Variants in MKS1 observed in about 807,000 individuals in gnomAD.
MKS1 encodes tectonic-like complex member MKS1.
MKS1 carries 70 observed loss-of-function variants against 83.7 expected under a neutral mutation model. That is an observed-to-expected ratio of 0.84 (90% confidence interval 0.69 to 1.02). The LOEUF is 1.02. Ranked by LOEUF, MKS1 falls within the 50% of genes least tolerant of loss-of-function variation. The probability of loss-of-function intolerance (pLI) is 0.00; values close to 1 mark genes in which losing one functional copy is unlikely to be tolerated. For synonymous variants in MKS1, 251 were observed against 273.4 expected, an observed-to-expected ratio of 0.92 and a Z score of 0.81; for missense variants, 681 against 726.9, an observed-to-expected ratio of 0.94 and a Z score of 0.73.
chr17:58,218,639 A>C lies in MKS1; in HGVS notation c.171T>G (p.Phe57Leu), dbSNP rs1969401955. ...LGKDLIDLAT[F>L]RPQPTASGHR... ...ACCCACTGGCAGTTGGCTGAGGCCT[A>C]AAAGTGGCCAAGTCTATGAGGTCCT... Residue 57 changes from phenylalanine (F) to leucine (L), a missense_variant, in exon 2 of 18, where the codon TTT (phenylalanine) becomes TTG (leucine). By Grantham distance (22) the Phe-to-Leu change is conservative (BLOSUM62 0). Around this residue, in one of 3 missense-constraint regions of MKS1, gnomAD observed 365 missense variants for 383.8 expected, o/e 0.95. Transcript: ENST00000393119. 2.5e-6 allele frequency: 4 copies of C among 1,612,182 alleles called. No individual in the cohort carries two copies. Among genetic ancestry groups the C allele is most frequent in the Non-Finnish European group, 3.4e-6 (4 of 1,178,322 alleles).
chr17:58,205,920 A>G lies in MKS1; in HGVS notation c.*159T>C. 1.3e-6 allele frequency: 2 copies of G among 1,490,414 alleles called. No individual in the cohort carries two copies. Among genetic ancestry groups the G allele is most frequent in the Non-Finnish European group, 1.8e-6 (2 of 1,122,022 alleles). The allele number at this position is 1,490,414 out of a possible 1,614,324, so 92.3% of individuals were successfully genotyped here. A position where few individuals can be genotyped will look rare whatever the true frequency, so the allele number is the denominator to read the frequency against. Reference sequence around the variant, plus strand: ...CCACAGGGTAGGGAGAAGACCCTGCAGAAGGCTAGGCAGAGGGGCCAGCCG... The same window carrying G: ...CCACAGGGTAGGGAGAAGACCCTGCGGAAGGCTAGGCAGAGGGGCCAGCCG... On this transcript the variant is annotated 3_prime_UTR_variant, in exon 18 of 18. Coordinates refer to ENST00000393119, the MANE Select transcript of MKS1 (RefSeq NM_017777.4).
rs747504986 is a variant in MKS1, at chr17:58,213,004, C to T, written c.836G>A (p.Arg279Gln). The change falls in exon 8 of 18, where the codon CGG becomes CAG. Residue 279 changes from arginine to glutamine, a missense_variant. By Grantham distance (43) the Arg-to-Gln change is conservative (BLOSUM62 1). This residue lies in a region of MKS1 where 365 missense variants were observed against 383.8 expected (regional missense o/e 0.95). Transcript: ENST00000393119. ...TACATCCTTGAACACTCGCCGTTCC[C>T]GCTCCTCCTCCTCCGGCTGTGCGTG... ...SPHAQPEEEE[R>Q]ERRVFKDLYG... 14 of 1,614,110 alleles carry T rather than the reference C, an allele frequency of 8.7e-6. No individual in the cohort carries two copies. Among genetic ancestry groups the T allele is most frequent in the South Asian group, 2.2e-5 (2 of 91,072 alleles).
In MKS1 at chr17:58,208,088, A is replaced by C. The variant is rs1311508931; in HGVS notation, c.1165+17T>G. 1 of 1,611,062 alleles carries C rather than the reference A, an allele frequency of 6.2e-7. No individual in the cohort carries two copies. Among genetic ancestry groups the C allele is most frequent in the Admixed American group, 1.7e-5 (1 of 60,024 alleles). On this transcript the variant is annotated intron_variant, in intron 13 of 17. Coordinates refer to ENST00000393119, the MANE Select transcript of MKS1 (RefSeq NM_017777.4). Reference sequence around the variant, plus strand: ...TGAGGGGAACCAAGGCCCAGGATCAACTGCTGAGCTACTCACCAGAAGATT... The same window carrying C: ...TGAGGGGAACCAAGGCCCAGGATCACCTGCTGAGCTACTCACCAGAAGATT...
intron 2 of MKS1, 69 bp from the exon 3 acceptor site, chr17:58,216,805 T>A: frequency 1.3e-6 from 2 of 1,500,946 alleles, no homozygotes; most frequent in Non-Finnish European, 1.9e-6. Context: ...TGTGGTTTAT[T>A]ATAACCAAAG....
chr17:58,206,400 A>G lies in MKS1; in HGVS notation c.1491-20T>C, dbSNP rs1968509787. The G allele has an allele frequency of 6.2e-7, 1 of 1,613,902 alleles. No homozygotes were observed. The highest frequency in any genetic ancestry group is 8.5e-7 in the Non-Finnish European group (1 of 1,179,934). On this transcript the variant is annotated intron_variant, in intron 16 of 17. Transcript: ENST00000393119. ...AAGGCCCTGCAGGGAGGCCAGCCAC[A>G]TGGTTACGGCTGTCTCCACCCCTCA...
At position 58,213,836 on chromosome 17, in the gene MKS1, A is replaced by G; in HGVS notation, c.678T>C (p.Cys226=). 1 of 1,614,148 alleles carries G rather than the reference A, an allele frequency of 6.2e-7. No homozygotes were observed. The highest frequency in any genetic ancestry group is 1.1e-5 in the South Asian group (1 of 91,084). ...CACCATTGCTATCCACCTTCAGAGT[A>G]CACAGGACATGTTCATACTTCTTAT... ...LGYKKYEHVL[C]TLKVDSNGVI... is the part of the protein sequence containing the mutation. The change falls in exon 7 of 18, where the codon TGT becomes TGC. Residue 226 remains cysteine (C), a synonymous_variant. Coordinates refer to ENST00000393119, the MANE Select transcript of MKS1 (RefSeq NM_017777.4).
chr17:58,216,182 C>G lies in MKS1; in HGVS notation c.323G>C (p.Arg108Pro). 6.2e-7 allele frequency: 1 copy of G among 1,613,966 alleles called. No homozygotes were observed. Among genetic ancestry groups the G allele is most frequent in the Non-Finnish European group, 8.5e-7 (1 of 1,179,886 alleles). The change falls in exon 4 of 18, where the codon CGT becomes CCT. Residue 108 changes from arginine (R) to proline (P), a missense_variant. Physicochemically the swap from Arg to Pro is moderately radical, Grantham distance 103. Coordinates refer to ENST00000393119, the MANE Select transcript of MKS1 (RefSeq NM_017777.4). Reference protein sequence around the residue: ...ACQSPLDYQYRQEILKLENSG... With the variant: ...ACQSPLDYQYPQEILKLENSG... The stretch of plus-strand genomic sequence containing the variant: ...ATTCTCCAGCTTCAGGATCTCCTGA[C>G]GGTACTGATAATCCAAAGGACTCTG...
intron 2 of MKS1, among the ~76,000 whole-genome samples, chr17:58,217,474 G>T (rs1321044930): frequency 2.0e-5 from 3 of 152,216 alleles, no homozygotes; most frequent in Admixed American, 1.3e-4. Flanking sequence ...GAGACCAAGT[G>T]TAAGGAGAGG....
At position 58,208,493 on chromosome 17, in the gene MKS1, C is replaced by G. The variant is rs927474862; in HGVS notation, c.1095+20G>C. On this transcript the variant is annotated intron_variant, in intron 12 of 17. Transcript: ENST00000393119. ...AGCAGATCTCATTCCCTTCCAGATACCCGCTCTCATTCTCCATACCATTGC... is the reference window on the plus strand; with the variant it reads ...AGCAGATCTCATTCCCTTCCAGATAGCCGCTCTCATTCTCCATACCATTGC... The G allele has an allele frequency of 1.2e-6, 2 of 1,612,186 alleles. No homozygotes were observed. The highest frequency in any genetic ancestry group is 2.7e-5 in the African/African-American group (2 of 74,834).
chr17:58,212,355 C>G, intron 9 of MKS1, 23 bp downstream of exon 9: 2 of 1,594,792 alleles, frequency 1.3e-6, no homozygotes, highest in South Asian at 1.1e-5. Context: ...GCTCACAGTG[C>G]TGCAGGAAGC....
chr17:58,210,732 A>C lies in MKS1; in HGVS notation c.959-8T>G, dbSNP rs763444295. On this transcript the variant is annotated splice_region_variant and splice_polypyrimidine_tract_variant and intron_variant, in intron 10 of 17. Coordinates refer to ENST00000393119, the MANE Select transcript of MKS1 (RefSeq NM_017777.4). ...CATAGCCTTGGGCTGAAACTACGAGAGAAAACAGGAAGCTATTTTAGCTTT... is the reference window on the plus strand; with the variant it reads ...CATAGCCTTGGGCTGAAACTACGAGCGAAAACAGGAAGCTATTTTAGCTTT... 8 of 1,613,924 alleles carry C rather than the reference A, an allele frequency of 5.0e-6. No homozygotes were observed. The Admixed American group carries it at 1.3e-4, about 27-fold the overall frequency.
chr17:58,215,986 G>T, intron 4 of MKS1, 102 bp downstream of exon 4: 1 of 1,402,574 alleles, frequency 7.1e-7, no homozygotes, highest in Non-Finnish European at 1.0e-6. Context: ...CAGGCTACTT[G>T]TCTCCCCTTA....
chr17:58,212,314 A>T, intron 9 of MKS1, 64 bp downstream of exon 9: 1 of 1,584,412 alleles, frequency 6.3e-7, no homozygotes. Flanking sequence ...AGTGTAACTC[A>T]TCCACAGTCA....
At chr17:58,216,536 C>A (rs1433985260) in intron 3 of MKS1, 130 bp downstream of exon 3, 9 of 1,104,930 alleles carry the variant, frequency 8.1e-6, no homozygotes, top group African/African-American at 1.6e-5. Flanking sequence ...TTACAATGCC[C>A]TTTAAACACA....
Position 58,207,923 on chromosome 17 carries a change from T to G in MKS1, c.1244A>C (p.Tyr415Ser), listed in dbSNP as rs765002709. The stretch of plus-strand genomic sequence containing the variant: ...AGTGGCAGGCAGCACCACAGCCCCA[T>G]AGCCTTCCACACGGTACCTCTGCCA... ...DFWQRYRVEG[Y>S]GAVVLPATPG... The change falls in exon 14 of 18, where the codon TAT (tyrosine) becomes TCT (serine). Residue 415 changes from tyrosine (Y) to serine (S), a missense_variant. By Grantham distance (144) the Tyr-to-Ser change is moderately radical. Transcript: ENST00000393119. 6.2e-7 allele frequency: 1 copy of G among 1,613,960 alleles called. No homozygotes were observed. Among genetic ancestry groups the G allele is most frequent in the Non-Finnish European group, 8.5e-7 (1 of 1,179,968 alleles).
In MKS1 at chr17:58,216,403, A is replaced by T. The variant is rs560662279; in HGVS notation, c.262-160T>A. 7.9e-5 allele frequency among the ~76,000 whole-genome samples: 12 copies of T among 152,392 alleles called. No individual in the cohort carries two copies. Among genetic ancestry groups the T allele is most frequent in the African/African-American group, 2.9e-4 (12 of 41,594 alleles). On this transcript the variant is annotated intron_variant, in intron 3 of 17. Coordinates refer to ENST00000393119, the MANE Select transcript of MKS1 (RefSeq NM_017777.4). The stretch of plus-strand genomic sequence containing the variant: ...AATGAATGGCAGGGGAACCAAGAAC[A>T]TTAGAGCTAAAAGGAACCAGACTGA...
At chr17:58,218,474 A>ACC in intron 2 of MKS1, 146 bp downstream of exon 2, 1 of 445,246 alleles carries the variant, frequency 2.2e-6, no homozygotes, top group Non-Finnish European at 4.1e-6. Flanking sequence ...AAAAAAAAAA[A>ACC]AAAAAAGCCA....
chr17:58,216,722 C>G lies in MKS1; in HGVS notation c.205G>C (p.Glu69Gln). ...ACAATCTCCTCCTCTTCGTCTTCCT[C>G]TGGGCGGTGTCCACCTCCAAAGACA... ...PQPTASGHRP[E>Q]EDEEEEIVIG... Residue 69 changes from glutamate to glutamine, a missense_variant, in exon 3 of 18, where the codon GAG (glutamate) becomes CAG (glutamine). Physicochemically the swap from Glu to Gln is conservative, Grantham distance 29. Coordinates refer to ENST00000393119, the MANE Select transcript of MKS1 (RefSeq NM_017777.4). The G allele has an allele frequency of 6.2e-7, 1 of 1,614,214 alleles. No homozygotes were observed. Among genetic ancestry groups the G allele is most frequent in the Non-Finnish European group, 8.5e-7 (1 of 1,180,028 alleles).
Position 58,205,479 on chromosome 17 carries a change from AC to A in MKS1, c.*599del, listed in dbSNP as rs1968447470. On this transcript the variant is annotated 3_prime_UTR_variant, in exon 18 of 18. Transcript: ENST00000393119. ...GGTTTATGTAACAAAAAACAAAAAAACAAACAAACAAAAAAACACAGTAAAA... is the reference window on the plus strand; with the variant it reads ...GGTTTATGTAACAAAAAACAAAAAAAAAACAAACAAAAAAACACAGTAAAA... 2 of 1,253,422 alleles carry A rather than the reference AC, an allele frequency of 1.6e-6. No homozygotes were observed. Among genetic ancestry groups the A allele is most frequent in the South Asian group, 1.4e-5 (1 of 72,534 alleles). The allele number at this position is 1,253,422 out of a possible 1,614,324, so 77.6% of individuals were successfully genotyped here.
Sources: allele counts gnomAD v4.1 joint callset (sites outside exome capture counted in the v4.1 genomes callset), GRCh38; gene constraint gnomAD v4.1.1; regional missense constraint gnomAD v4.1.1; transcripts MANE v1.5; gene names NCBI Gene and HGNC (gene_info 2026-07-23, HGNC 2026-07-21).